Variants in TCL1B observed in about 807,000 individuals in gnomAD.
The protein encoded by TCL1B is T-cell leukemia/lymphoma protein 1B.
A neutral mutation model predicts 16.9 loss-of-function variants in TCL1B; 14 were observed. That is an observed-to-expected ratio of 0.83 (90% CI 0.55 to 1.30). TCL1B has a LOEUF of 1.30. TCL1B is among the 50% of genes most tolerant of loss of function. The probability of loss-of-function intolerance (pLI) is 0.00; values close to 1 mark genes in which losing one functional copy is unlikely to be tolerated. For missense variants in TCL1B, 166 were observed against 165.2 expected (o/e 1.00, Z -0.03); for synonymous variants, 79 against 66.6 (o/e 1.19, Z -0.91).
intron 1 of TCL1B, 128 bp from the exon 2 acceptor site, chr14:95,690,608 G>C (rs980956442): frequency 8.1e-6 from 9 of 1,110,098 alleles, no homozygotes; most frequent in Non-Finnish European, 1.0e-5. Flanking sequence ...CCAGTGCCAA[G>C]GCTCTTGGTC....
At chr14:95,690,955 C>T (rs1298336939) in intron 2 of TCL1B, 49 bp downstream of exon 2, 8 of 1,590,504 alleles carry the variant, frequency 5.0e-6, no homozygotes, top group Non-Finnish European at 6.9e-6. Context: ...CCCCTGGTGA[C>T]TGCCGTGGCC....
At chr14:95,687,431 A>G (rs984850483) in intron 1 of TCL1B, among the ~76,000 whole-genome samples, 4 of 152,174 alleles carry the variant, frequency 2.6e-5, no homozygotes, top group African/African-American at 9.7e-5. Context: ...GTAATTACAT[A>G]TAACCTCAGC....
At chr14:95,690,994 G>C (rs2075770) in intron 2 of TCL1B, 88 bp downstream of exon 2, 1 of 1,497,788 alleles carries the variant, frequency 6.7e-7, no homozygotes, top group Non-Finnish European at 9.1e-7. Context: ...TGGCCCCCTT[G>C]GGGTTCTTGT....
chr14:95,688,797 C>G (rs1254813587), intron 1 of TCL1B, among the ~76,000 whole-genome samples: 1 of 152,200 alleles, frequency 6.6e-6, no homozygotes, highest in Admixed American at 6.5e-5. Context: ...AGGACAGATT[C>G]TCTTGTATGA....
rs757011069 is a variant in TCL1B, at chr14:95,686,552, G to A, written c.85G>A (p.Gly29Arg). 3 of 1,614,026 alleles carry A rather than the reference G, an allele frequency of 1.9e-6. No homozygotes were observed. The highest frequency in any genetic ancestry group is 1.7e-6 in the Non-Finnish European group (2 of 1,179,938). Residue 29 changes from glycine to arginine, a missense_variant, in exon 1 of 4, where the codon GGG becomes AGG. By Grantham distance (125) the Gly-to-Arg change is moderately radical. Transcript: ENST00000340722. ...QRPGIYEDEE[G>R]RTWVTVVVRF... ...GCCTGGCATCTACGAAGATGAGGAG[G>A]GGAGAACCTGGGTGACTGTGGTCGT...
At chr14:95,686,921 C>A (rs1885774856) in intron 1 of TCL1B, among the ~76,000 whole-genome samples, 2 of 152,110 alleles carry the variant, frequency 1.3e-5, no homozygotes. Context: ...GCTGGGAAGG[C>A]CCACAAATGG....
In TCL1B at chr14:95,691,357, T is replaced by C. The variant is rs79081800; in HGVS notation, c.*15+21T>C. 3.1e-6 allele frequency: 5 copies of C among 1,610,242 alleles called. No individual in the cohort carries two copies. The African/African-American group carries it at 6.7e-5, about 22-fold the overall frequency. On this transcript the variant is annotated intron_variant, in intron 3 of 3. Transcript: ENST00000340722. ...GGCTGGTATGTTGGGGCCCTGTGCGTCTCAGTGTAGGGATCAGACGAAAGT... is the reference window on the plus strand; with the variant it reads ...GGCTGGTATGTTGGGGCCCTGTGCGCCTCAGTGTAGGGATCAGACGAAAGT...
chr14:95,686,686 G>C (rs995017227), intron 1 of TCL1B, 57 bp downstream of exon 1: 2 of 1,515,150 alleles, frequency 1.3e-6, no homozygotes, highest in Admixed American at 2.3e-5. Context: ...ACCCCTGCCC[G>C]TGTGGGACCG....
At position 95,690,762 on chromosome 14, in the gene TCL1B, G is replaced by A; in HGVS notation, c.189G>A (p.Leu63=). 6.2e-7 allele frequency: 1 copy of A among 1,614,042 alleles called. No homozygotes were observed. Among genetic ancestry groups the A allele is most frequent in the Non-Finnish European group, 8.5e-7 (1 of 1,179,890 alleles). Residue 63 remains leucine (L), a synonymous_variant, in exon 2 of 4, where the codon TTG becomes TTA. Coordinates refer to ENST00000340722, the MANE Select transcript of TCL1B (RefSeq NM_004918.4). ...SRYEPSITVH[L]WQMAVHTREL... is the part of the protein sequence containing the mutation. ...ATGAACCCAGCATCACAGTGCACTT[G>A]TGGCAGATGGCAGTGCATACCCGGG...
At chr14:95,689,466 G>T (rs1885837782) in intron 1 of TCL1B, 1 of 152,072 alleles carries the variant, frequency 6.6e-6, no homozygotes, top group Non-Finnish European at 1.5e-5. Context: ...TGGGAATTAG[G>T]CTTCCTGGGC....
In TCL1B at chr14:95,691,306, G is replaced by A. The variant is rs765560643; in HGVS notation, c.372G>A (p.Pro124=). The change falls in exon 3 of 4, where the codon CCG becomes CCA. Residue 124 remains proline (P), a synonymous_variant. Coordinates refer to ENST00000340722, the MANE Select transcript of TCL1B (RefSeq NM_004918.4). ...SMEQLVLTYQ[P]ERKD is the part of the protein sequence containing the mutation. ...AGCAGCTGGTCCTAACATATCAGCC[G>A]GAGAGGAAAGACTGACACTGGGAGT... 10 of 1,613,604 alleles carry A rather than the reference G, an allele frequency of 6.2e-6. No individual in the cohort carries two copies. In the East Asian group the frequency reaches 1.1e-4, roughly 18 times the overall value.
chr14:95,690,959 C>A, intron 2 of TCL1B, 53 bp downstream of exon 2: 1 of 1,585,770 alleles, frequency 6.3e-7, no homozygotes, highest in African/African-American at 1.3e-5. Context: ...TGGTGACTGC[C>A]GTGGCCCTCT....
rs1356525139 is a variant in TCL1B at position 95,690,725 on chromosome 14, G to T, written c.163-11G>T. On this transcript the variant is annotated splice_polypyrimidine_tract_variant and intron_variant, in intron 1 of 3. Transcript: ENST00000340722. ...ATCCATGATTTGCCGCCTCTTTTCT[G>T]GTCCCTTCAGTATGAACCCAGCATC... 1.2e-6 allele frequency: 2 copies of T among 1,600,764 alleles called. No homozygotes were observed. Among genetic ancestry groups the T allele is most frequent in the Non-Finnish European group, 1.7e-6 (2 of 1,169,172 alleles).
chr14:95,686,682 G>C, intron 1 of TCL1B, 53 bp downstream of exon 1: 1 of 1,527,034 alleles, frequency 6.5e-7, no homozygotes, highest in Non-Finnish European at 8.8e-7. Context: ...ACTGACCCCT[G>C]CCCGTGTGGG....
intron 3 of TCL1B, 194 bp downstream of exon 3, chr14:95,691,530 T>C: frequency 1.8e-6 from 1 of 543,444 alleles, no homozygotes; most frequent in African/African-American, 1.9e-5. Context: ...CATAATAAGT[T>C]CCTAAAGCAT....
chr14:95,690,250 C>T (rs992603931), intron 1 of TCL1B, among the ~76,000 whole-genome samples: 2 of 152,210 alleles, frequency 1.3e-5, no homozygotes, highest in Admixed American at 6.5e-5. Context: ...AGTCCTCCTG[C>T]CTTGGCCTCC....
At chr14:95,687,410 T>C (rs893381138) in intron 1 of TCL1B, among the ~76,000 whole-genome samples, 2 of 152,110 alleles carry the variant, frequency 1.3e-5, no homozygotes, top group African/African-American at 4.8e-5. Context: ...TGATAGAAAA[T>C]GACCTGGGTA....
chr14:95,691,621 C>A, intron 3 of TCL1B: 1 of 275,020 alleles, frequency 3.6e-6, no homozygotes, highest in South Asian at 6.9e-5. Context: ...CATTTCACGA[C>A]GAAAAGACAA....
chr14:95,691,511 G>T (rs936327410), intron 3 of TCL1B, 175 bp downstream of exon 3: 1 of 576,428 alleles, frequency 1.7e-6, no homozygotes. Context: ...TACACAGTGG[G>T]TGGGCCCCCA....
Sources: gnomAD v4.1 joint callset for allele counts (sites outside exome capture counted in the v4.1 genomes callset) on GRCh38, gnomAD v4.1.1 for gene constraint, MANE v1.5 for transcripts, NCBI Gene and HGNC (gene_info 2026-07-23, HGNC 2026-07-21) for gene names.